The following IFFO2 variants were observed in gnomAD, a reference collection of about 807,000 sequenced individuals.
IFFO2 encodes the protein intermediate filament family orphan 2.
IFFO2 carries 19 observed loss-of-function variants against 53.5 expected under a neutral mutation model. The ratio of observed to expected loss-of-function variants is 0.36; its 90% CI spans 0.25 to 0.52. The LOEUF is 0.52. Ranked by LOEUF, IFFO2 falls within the 20% of genes least tolerant of loss-of-function variation. IFFO2 has a pLI of 0.94. For synonymous variants in IFFO2, 303 were observed against 313.6 expected (o/e 0.97, Z 0.36); for missense variants, 570 against 727.4 (o/e 0.78, Z 2.49).
chr1:18,923,327 A>G (rs1364913981), intron 1 of IFFO2, among the ~76,000 whole-genome samples: 2 of 152,164 alleles, frequency 1.3e-5, no homozygotes, highest in East Asian at 3.8e-4. Context: ...CAACCATCTC[A>G]TGAGGAAGGC....
chr1:18,947,855 A>G lies in IFFO2; in HGVS notation c.665+7813T>C, dbSNP rs537450467. 1.1e-4 allele frequency among the ~76,000 whole-genome samples: 16 copies of G among 152,340 alleles called. No individual in the cohort carries two copies. Among genetic ancestry groups the G allele is most frequent in the African/African-American group, 3.1e-4 (13 of 41,580 alleles). ...CTATTCTGCCACCCGCCATGGCAAT[A>G]TTGTGACAGGTGCTGGGGAGACCCC... On this transcript the variant is annotated intron_variant, in intron 1 of 8. Coordinates refer to ENST00000455833, the MANE Select transcript of IFFO2 (RefSeq NM_001136265.2). This position sits in a 1 kb window ranked among gnomAD's most constrained non-coding sequence, Gnocchi z 5.0.
chr1:18,919,196 G>C lies in IFFO2; in HGVS notation c.822+482C>G, dbSNP rs1936178788. Among the ~76,000 whole-genome samples the C allele has an allele frequency of 2.0e-5, 3 of 152,172 alleles. No homozygotes were observed. On this transcript the variant is annotated intron_variant, in intron 3 of 8. Coordinates refer to ENST00000455833, the MANE Select transcript of IFFO2 (RefSeq NM_001136265.2). The surrounding 1 kb of genome is among the most constrained non-coding windows in gnomAD (Gnocchi z 4.9). ...AGCTCCCCCCACCCACAGATACTTA[G>C]AGGGGCCCCAGATTGTCAAAAAGAC...
chr1:18,917,495 C>T lies in IFFO2; in HGVS notation c.964-453G>A, dbSNP rs1183394933. ...CAGACGGCCCAAGGTTCACCGAAAG[C>T]TTCCACTCCAAGCAGACAAGCCACG... is the stretch of plus-strand genomic sequence containing the variant. On this transcript the variant is annotated intron_variant, in intron 4 of 8. Coordinates refer to ENST00000455833, the MANE Select transcript of IFFO2 (RefSeq NM_001136265.2). This position sits in a 1 kb window ranked among gnomAD's most constrained non-coding sequence, Gnocchi z 5.9. 1.3e-5 allele frequency among the ~76,000 whole-genome samples: 2 copies of T among 152,144 alleles called. No individual in the cohort carries two copies. Among genetic ancestry groups the T allele is most frequent in the African/African-American group, 2.4e-5 (1 of 41,428 alleles).
intron 1 of IFFO2, among the ~76,000 whole-genome samples, chr1:18,955,022 G>A (rs913849975): frequency 6.6e-6 from 1 of 152,230 alleles, no homozygotes; most frequent in African/African-American, 2.4e-5. Flanking sequence ...CAGCAAGCTG[G>A]ACCTTACAGA....
chr1:18,951,313 G>A (rs1259764982), intron 1 of IFFO2, among the ~76,000 whole-genome samples: 1 of 152,104 alleles, frequency 6.6e-6, no homozygotes, highest in African/African-American at 2.4e-5. Flanking sequence ...CCACCTGAAA[G>A]CCACCAGGCT....
At chr1:18,912,781 T>C (rs756197483) in intron 5 of IFFO2, among the ~76,000 whole-genome samples, 5 of 152,198 alleles carry the variant, frequency 3.3e-5, no homozygotes, top group Admixed American at 2.6e-4. Flanking sequence ...AGGGATTCAG[T>C]GGCCTTCTAG....
rs368170432 is a variant in IFFO2, at chr1:18,918,326, G to T, written c.963+36C>A. 16 of 1,538,634 alleles carry T rather than the reference G, an allele frequency of 1.0e-5. No homozygotes were observed. The highest frequency in any genetic ancestry group is 6.0e-5 in the South Asian group (5 of 83,680). ...GAGGCCAGGGCTGCTCTGGGAGAGT[G>T]GGGGGTTGGCTGGTGAGCAGGGCAG... On this transcript the variant is annotated intron_variant, in intron 4 of 8. Transcript: ENST00000455833. The surrounding 1 kb of genome is among the most constrained non-coding windows in gnomAD (Gnocchi z 5.2).
At chr1:18,934,349 G>C (rs1936418401) in intron 1 of IFFO2, among the ~76,000 whole-genome samples, 1 of 152,044 alleles carries the variant, frequency 6.6e-6, no homozygotes, top group Non-Finnish European at 1.5e-5. Context: ...TGAGATGACA[G>C]GTGTGAGCCA....
Position 18,956,270 on chromosome 1 carries a change from G to A in IFFO2, c.63C>T (p.Gly21=). Residue 21 remains glycine (G), a synonymous_variant, in exon 1 of 9, where the codon GGC becomes GGT. Coordinates refer to ENST00000455833, the MANE Select transcript of IFFO2 (RefSeq NM_001136265.2). This position sits in a 1 kb window ranked among gnomAD's most constrained non-coding sequence, Gnocchi z 6.4. ...ALAFGCPPGG[G]GGGCPGGGGG... ...CGCCCCCGCCAGGGCAGCCCCCGCC[G>A]CCGCCGCCCGGCGGGCAGCCGAAGG... 1 of 872,806 alleles carries A rather than the reference G, an allele frequency of 1.1e-6. No homozygotes were observed. The highest frequency in any genetic ancestry group is 1.4e-6 in the Non-Finnish European group (1 of 704,770). 54.1% of individuals were successfully genotyped at this position (872,806 alleles called of 1,614,324 possible).
intron 1 of IFFO2, among the ~76,000 whole-genome samples, chr1:18,945,044 G>T (rs1053960093): frequency 1.6e-4 from 25 of 152,332 alleles, no homozygotes; most frequent in African/African-American, 5.8e-4. Flanking sequence ...CTGCACAGCA[G>T]CTCAACTCCA....
chr1:18,940,595 GGA>G (rs1936507465), intron 1 of IFFO2, among the ~76,000 whole-genome samples: 5 of 151,970 alleles, frequency 3.3e-5, no homozygotes, highest in Non-Finnish European at 7.4e-5. Context: ...ATGGATGGAT[GGA>G]TGGATGGATG....
In IFFO2 at chr1:18,947,287, C is replaced by T. The variant is rs1453514622; in HGVS notation, c.665+8381G>A. Among the ~76,000 whole-genome samples, 1 of 152,242 alleles carries T rather than the reference C, an allele frequency of 6.6e-6. No homozygotes were observed. The highest frequency in any genetic ancestry group is 1.5e-5 in the Non-Finnish European group (1 of 68,032). ...AAACAGCCACCAGAATGCCCGAGGC[C>T]CTCTGCTGCTGGTGATCCGTGGATG... On this transcript the variant is annotated intron_variant, in intron 1 of 8. Coordinates refer to ENST00000455833, the MANE Select transcript of IFFO2 (RefSeq NM_001136265.2). This position sits in a 1 kb window ranked among gnomAD's most constrained non-coding sequence, Gnocchi z 5.0.
chr1:18,923,075 C>T (rs888569289), intron 1 of IFFO2, among the ~76,000 whole-genome samples: 8 of 152,216 alleles, frequency 5.3e-5, no homozygotes, highest in African/African-American at 1.7e-4. Flanking sequence ...ATTCCAAAGC[C>T]GCTGAGCAGG....
chr1:18,927,503 T>C (rs576751968), intron 1 of IFFO2, among the ~76,000 whole-genome samples: 2 of 152,348 alleles, frequency 1.3e-5, no homozygotes, highest in African/African-American at 4.8e-5. Flanking sequence ...GCAGCAGGGC[T>C]GGATGCAGGT....
intron 1 of IFFO2, among the ~76,000 whole-genome samples, chr1:18,929,242 G>A (rs1481528522): frequency 1.3e-5 from 2 of 152,214 alleles, no homozygotes; most frequent in Non-Finnish European, 2.9e-5. Flanking sequence ...CCACCTTGTA[G>A]GGCTCATGGA....
chr1:18,921,267 G>C, intron 1 of IFFO2, 146 bp from the exon 2 acceptor site: 1 of 711,856 alleles, frequency 1.4e-6, no homozygotes, highest in South Asian at 1.6e-5. Context: ...CCTGCCCTCT[G>C]GGAGCTCCCA....
chr1:18,920,063 A>G (rs1264932755), intron 2 of IFFO2, among the ~76,000 whole-genome samples: 3 of 152,258 alleles, frequency 2.0e-5, no homozygotes, highest in Non-Finnish European at 4.4e-5. Context: ...TATGAGATCA[A>G]TCCGTGTGAA....
At chr1:18,908,911 G>A (rs759391586) in intron 8 of IFFO2, among the ~76,000 whole-genome samples, 12 of 152,176 alleles carry the variant, frequency 7.9e-5, no homozygotes, top group Non-Finnish European at 1.0e-4. Flanking sequence ...GAGCTGGACC[G>A]TGGATCAAGT....
At chr1:18,952,223 T>C (rs1936667811) in intron 1 of IFFO2, among the ~76,000 whole-genome samples, 1 of 152,134 alleles carries the variant, frequency 6.6e-6, no homozygotes, top group Non-Finnish European at 1.5e-5. Context: ...GGTTTCCAAA[T>C]CAACGCTTGA....
Sources: gnomAD v4.1 joint callset for allele counts (sites outside exome capture counted in the v4.1 genomes callset) on GRCh38, gnomAD v4.1.1 for gene constraint, Gnocchi (gnomAD v3.1) non-coding constraint, MANE v1.5 for transcripts, NCBI Gene and HGNC (gene_info 2026-07-23, HGNC 2026-07-21) for gene names.